The following GNA15 variants were observed in gnomAD, a reference collection of about 807,000 sequenced individuals.
GNA15 encodes G protein subunit alpha 15.
Under a neutral mutation model 40.1 loss-of-function variants are expected in GNA15, and 23 were observed. The observed-to-expected ratio is 0.57, with a 90% CI of 0.41 to 0.81. GNA15 has a LOEUF of 0.81. Among genes scored for constraint, GNA15 ranks in the 40% least tolerant of loss-of-function variants. GNA15 has a pLI of 0.00. For missense variants in GNA15, 522 were observed against 515.8 expected (o/e 1.01, Z -0.12); for synonymous variants, 226 against 210.4 (o/e 1.07, Z -0.64).
chr19:3,141,054 C>T (rs577395412), intron 1 of GNA15, among the ~76,000 whole-genome samples: 44 of 151,716 alleles, frequency 2.9e-4, no homozygotes, highest in Admixed American at 2.1e-3. Context: ...TTTTTTTTTA[C>T]CTGGAGGTGG....
At position 3,151,865 on chromosome 19, in the gene GNA15, G is replaced by C; in HGVS notation, c.614+30G>C. On this transcript the variant is annotated intron_variant, in intron 4 of 6. Coordinates refer to ENST00000262958, the MANE Select transcript of GNA15 (RefSeq NM_002068.4). This position sits in a 1 kb window ranked among gnomAD's most constrained non-coding sequence, Gnocchi z 5.0. ...GCGCTCCACCTAGGCCCAGCCTAGG[G>C]GGCAGGGAAGGCTTCCTGTAGGAAG... 2 of 1,530,730 alleles carry C rather than the reference G, an allele frequency of 1.3e-6. No individual in the cohort carries two copies. Among genetic ancestry groups the C allele is most frequent in the African/African-American group, 1.4e-5 (1 of 72,690 alleles). The allele number at this position is 1,530,730 out of a possible 1,614,324, so 94.8% of individuals were successfully genotyped here.
Position 3,145,018 on chromosome 19 carries a change from A to G in GNA15, c.146-3573A>G, listed in dbSNP as rs542610640. 6.0e-5 allele frequency among the ~76,000 whole-genome samples: 9 copies of G among 149,480 alleles called. 1 individual carries two copies. The South Asian group carries it at 1.9e-3, about 31-fold the overall frequency. On this transcript the variant is annotated intron_variant, in intron 1 of 6. Transcript: ENST00000262958. The stretch of plus-strand genomic sequence containing the variant: ...TAATTTTTGTATTTTTAGTAGAGAC[A>G]GGGTTTTTGTATTTTTAGTAGAGAC...
intron 2 of GNA15, 143 bp from the exon 3 acceptor site, chr19:3,149,988 G>T: frequency 3.1e-6 from 2 of 653,800 alleles, no homozygotes; most frequent in Non-Finnish European, 5.2e-6. Context: ...AAGTGTGCGG[G>T]GGGGTCGGGA....
At chr19:3,162,417 C>T (rs941352834) in intron 6 of GNA15, among the ~76,000 whole-genome samples, 20 of 152,164 alleles carry the variant, frequency 1.3e-4, no homozygotes, top group Admixed American at 1.1e-3. Flanking sequence ...CTCTTCCCCT[C>T]GTTTGGCCTT....
intron 1 of GNA15, among the ~76,000 whole-genome samples, chr19:3,147,070 C>T (rs1914741338): frequency 6.6e-6 from 1 of 152,130 alleles, no homozygotes; most frequent in South Asian, 2.1e-4. Context: ...TCACAAATCA[C>T]TTTCACTGAG....
At chr19:3,156,487 G>T (rs1055644341) in intron 5 of GNA15, among the ~76,000 whole-genome samples, 3 of 150,504 alleles carry the variant, frequency 2.0e-5, no homozygotes, top group African/African-American at 7.3e-5. Context: ...CGCACACACA[G>T]GCACACAGGC....
At chr19:3,156,743 G>A (rs1005661522) in intron 5 of GNA15, among the ~76,000 whole-genome samples, 9 of 151,912 alleles carry the variant, frequency 5.9e-5, no homozygotes, top group South Asian at 2.1e-4. Flanking sequence ...TGATCCGCCC[G>A]CCTCGGCCTC....
At position 3,148,684 on chromosome 19, in the gene GNA15, C is replaced by T; in HGVS notation, c.239C>T (p.Pro80Leu). ...YSEEERKGFR[P>L]LVYQNIFVSM... ...GAGGAGGAGCGCAAGGGCTTCCGGCCCCTGGTCTACCAGAACATCTTCGTG... is the reference window on the plus strand; with the variant it reads ...GAGGAGGAGCGCAAGGGCTTCCGGCTCCTGGTCTACCAGAACATCTTCGTG... The change falls in exon 2 of 7, where the codon CCC (proline) becomes CTC (leucine). Residue 80 changes from proline (P) to leucine (L), a missense_variant. By Grantham distance (98) the Pro-to-Leu change is moderately conservative. Coordinates refer to ENST00000262958, the MANE Select transcript of GNA15 (RefSeq NM_002068.4). 1.3e-6 allele frequency: 2 copies of T among 1,597,664 alleles called. No individual in the cohort carries two copies. Among genetic ancestry groups the T allele is most frequent in the South Asian group, 1.1e-5 (1 of 88,636 alleles).
At position 3,136,472 on chromosome 19, in the gene GNA15, C is replaced by T. The variant is rs376509314; in HGVS notation, c.22C>T (p.Arg8Cys). Residue 8 changes from arginine (R) to cysteine (C), a missense_variant, in exon 1 of 7, where the codon CGC becomes TGC. Arg to Cys is a radical substitution (Grantham distance 180). Transcript: ENST00000262958. The surrounding 1 kb of genome is among the most constrained non-coding windows in gnomAD (Gnocchi z 4.9). ...CACCATGGCCCGCTCGCTGACCTGGCGCTGCTGCCCCTGGTGCCTGACGGA... is the reference window on the plus strand; with the variant it reads ...CACCATGGCCCGCTCGCTGACCTGGTGCTGCTGCCCCTGGTGCCTGACGGA... MARSLTW[R>C]CCPWCLTEDE... The T allele has an allele frequency of 7.1e-6, 11 of 1,551,412 alleles. No individual in the cohort carries two copies. Among genetic ancestry groups the T allele is most frequent in the Admixed American group, 3.9e-5 (2 of 51,162 alleles).
chr19:3,139,001 A>G (rs188663338), intron 1 of GNA15, among the ~76,000 whole-genome samples: 367 of 140,246 alleles, frequency 2.6e-3, no homozygotes, highest in African/African-American at 9.2e-3. Context: ...GTTGGAGTGC[A>G]GTGGTGAGAT....
chr19:3,150,387 G>C, intron 3 of GNA15, 102 bp downstream of exon 3: 1 of 1,022,828 alleles, frequency 9.8e-7, no homozygotes, highest in Non-Finnish European at 1.4e-6. Context: ...GGCGCAGATG[G>C]GCTGTGAGGT....
intron 1 of GNA15, among the ~76,000 whole-genome samples, chr19:3,145,359 A>AT (rs71179976): frequency 0.032 from 1,480 of 46,934 alleles, 66 homozygotes; most frequent in African/African-American, 0.07. Context: ...ATATATATAT[A>AT]TTTTTTTTTT....
chr19:3,161,724 C>T (rs1915141281), intron 6 of GNA15, among the ~76,000 whole-genome samples: 1 of 152,178 alleles, frequency 6.6e-6, no homozygotes, highest in African/African-American at 2.4e-5. Context: ...GCACTCTTTG[C>T]TGACTCCCAG....
In GNA15 at chr19:3,138,929, C is replaced by T. The variant is rs1055884424; in HGVS notation, c.145+2334C>T. 5.5e-5 allele frequency among the ~76,000 whole-genome samples: 8 copies of T among 145,316 alleles called. No individual in the cohort carries two copies. In the South Asian group the frequency reaches 6.6e-4, roughly 12 times the overall value. Reference sequence around the variant, plus strand: ...TTGGGATTACAGGCGTGAGCCACCGCGCCCAGCCTCTTTTTTTTTTTTTTT... The same window carrying T: ...TTGGGATTACAGGCGTGAGCCACCGTGCCCAGCCTCTTTTTTTTTTTTTTT... On this transcript the variant is annotated intron_variant, in intron 1 of 6. Transcript: ENST00000262958.
intron 1 of GNA15, among the ~76,000 whole-genome samples, chr19:3,144,898 G>A (rs1177329746): frequency 4.6e-5 from 7 of 151,254 alleles, no homozygotes; most frequent in East Asian, 1.9e-4. Flanking sequence ...GCATGATCTC[G>A]GCTCACTGCA....
chr19:3,138,830 G>C (rs1433018629), intron 1 of GNA15, among the ~76,000 whole-genome samples: 10 of 149,906 alleles, frequency 6.7e-5, no homozygotes, highest in Admixed American at 6.7e-4. Flanking sequence ...AGTAGAGATG[G>C]GGTTCCACCA....
intron 1 of GNA15, among the ~76,000 whole-genome samples, chr19:3,140,260 G>A (rs952443525): frequency 1.3e-5 from 2 of 151,912 alleles, no homozygotes; most frequent in African/African-American, 4.8e-5. Context: ...AAATTTATTG[G>A]CATAACATTT....
At chr19:3,137,303 T>C (rs1914480626) in intron 1 of GNA15, among the ~76,000 whole-genome samples, 1 of 152,182 alleles carries the variant, frequency 6.6e-6, no homozygotes, top group African/African-American at 2.4e-5. Flanking sequence ...GGGTGATGGC[T>C]TCCATGCGGA....
At chr19:3,157,586 C>T (rs558980528) in intron 5 of GNA15, 142 bp from the exon 6 acceptor site, 10 of 677,988 alleles carry the variant, frequency 1.5e-5, no homozygotes, top group Middle Eastern at 4.1e-4. Flanking sequence ...TATGGAAACA[C>T]GGGCACACCC....
Sources: gnomAD v4.1 joint callset for allele counts (sites outside exome capture counted in the v4.1 genomes callset) on GRCh38, gnomAD v4.1.1 for gene constraint, Gnocchi (gnomAD v3.1) non-coding constraint, MANE v1.5 for transcripts, NCBI Gene and HGNC (gene_info 2026-07-23, HGNC 2026-07-21) for gene names.